Variants in ACTL6B observed in about 807,000 individuals in gnomAD.
ACTL6B encodes the protein actin-like protein 6B.
ACTL6B carries 48 observed loss-of-function variants against 63.3 expected under a neutral mutation model. That is an observed-to-expected ratio of 0.76 (90% confidence interval 0.60 to 0.96). The LOEUF is 0.96. Ranked by LOEUF, ACTL6B falls within the 50% of genes least tolerant of loss-of-function variation. ACTL6B has a pLI of 0.00. For synonymous variants in ACTL6B, 230 were observed against 223.8 expected (o/e 1.03, Z -0.25); for missense variants, 350 against 572.2 (o/e 0.61, Z 3.96).
chr7:100,647,305 G>T lies in ACTL6B; in HGVS notation c.760-21C>A, dbSNP rs369078607. 7.1e-5 allele frequency: 114 copies of T among 1,612,694 alleles called. No individual in the cohort carries two copies. The highest frequency in any genetic ancestry group is 8.9e-5 in the Non-Finnish European group (105 of 1,179,766). ...ACCTCCTGAAATCCCAGCGGAGGTGGTGAGGGCCTGCCTTCCCCGTGAGCA... is the reference window on the plus strand; with the variant it reads ...ACCTCCTGAAATCCCAGCGGAGGTGTTGAGGGCCTGCCTTCCCCGTGAGCA... On this transcript the variant is annotated intron_variant, in intron 8 of 13. Coordinates refer to ENST00000160382, the MANE Select transcript of ACTL6B (RefSeq NM_016188.5). The surrounding 1 kb of genome is among the most constrained non-coding windows in gnomAD (Gnocchi z 4.4).
rs1562848556 is a variant in ACTL6B, at chr7:100,647,463, C to T, written c.740G>A (p.Trp247Ter). 3 of 1,612,550 alleles carry T rather than the reference C, an allele frequency of 1.9e-6. No homozygotes were observed. Among genetic ancestry groups the T allele is most frequent in the African/African-American group, 1.3e-5 (1 of 74,906 alleles). ...KEKLPQVSKS[W>*]HNYMCNEVIQ... ...GCTCACATTACACATGTAGTTATGCCAGGACTTGGAGACCTGGGGTAGCTT... is the reference window on the plus strand; with the variant it reads ...GCTCACATTACACATGTAGTTATGCTAGGACTTGGAGACCTGGGGTAGCTT... Residue 247 changes from tryptophan (W) to a stop codon, truncating the protein, a stop_gained, in exon 8 of 14, where the codon TGG becomes TAG. Coordinates refer to ENST00000160382, the MANE Select transcript of ACTL6B (RefSeq NM_016188.5). LOFTEE classifies it high-confidence loss of function. The surrounding 1 kb of genome is among the most constrained non-coding windows in gnomAD (Gnocchi z 4.4).
intron 13 of ACTL6B, 119 bp from the exon 14 acceptor site, chr7:100,643,445 T>G: frequency 4.3e-6 from 4 of 927,336 alleles, no homozygotes; most frequent in Non-Finnish European, 6.8e-6. Flanking sequence ...CACATCCCTC[T>G]GAAGCCCCTC....
chr7:100,654,164 G>T (rs924929779), intron 4 of ACTL6B, among the ~76,000 whole-genome samples: 1 of 151,612 alleles, frequency 6.6e-6, no homozygotes, highest in Non-Finnish European at 1.5e-5. Flanking sequence ...AGTAGAGATG[G>T]GGTTTCACCG....
intron 4 of ACTL6B, 97 bp downstream of exon 4, chr7:100,654,922 C>A: frequency 1.9e-6 from 2 of 1,040,832 alleles, no homozygotes; most frequent in Non-Finnish European, 2.9e-6. Context: ...GGAAGTGGCT[C>A]AGAGCAGTGG....
chr7:100,643,623 C>T (rs1803764140), intron 13 of ACTL6B, among the ~76,000 whole-genome samples: 1 of 152,174 alleles, frequency 6.6e-6, no homozygotes, highest in South Asian at 2.1e-4. Context: ...CACGCACAGC[C>T]CCAGGCCAGG....
At position 100,647,732 on chromosome 7, in the gene ACTL6B, C is replaced by T. The variant is rs912841084; in HGVS notation, c.670-199G>A. 9.2e-6 allele frequency: 5 copies of T among 544,206 alleles called. No individual in the cohort carries two copies. Among genetic ancestry groups the T allele is most frequent in the East Asian group, 2.9e-5 (1 of 34,430 alleles). The allele number at this position is 544,206 out of a possible 1,614,324, so 33.7% of individuals were successfully genotyped here. A position where few individuals can be genotyped will look rare whatever the true frequency, so the allele number is the denominator to read the frequency against. On this transcript the variant is annotated intron_variant, in intron 7 of 13. Coordinates refer to ENST00000160382, the MANE Select transcript of ACTL6B (RefSeq NM_016188.5). The surrounding 1 kb of genome is among the most constrained non-coding windows in gnomAD (Gnocchi z 4.4). The stretch of plus-strand genomic sequence containing the variant: ...TCTCTCTCCATGTGTGCCTTTCATG[C>T]GGTGGGTGCAGCTGATCTGGAGAAC...
intron 1 of ACTL6B, 49 bp downstream of exon 1, chr7:100,656,281 G>C: frequency 7.3e-7 from 1 of 1,377,150 alleles, no homozygotes; most frequent in South Asian, 1.7e-5. Context: ...TGGATGGCGC[G>C]GGTTTGGAAC....
Position 100,655,673 on chromosome 7 carries a change from GC to G in ACTL6B, c.103-88del. On this transcript the variant is annotated intron_variant, in intron 2 of 13. Transcript: ENST00000160382. The surrounding 1 kb of genome is among the most constrained non-coding windows in gnomAD (Gnocchi z 4.4). ...AGCCCCACAGCAGGGTCCTCAGACCGCCCCTGGGTTTATTCCCATATTCCCG... is the reference window on the plus strand; with the variant it reads ...AGCCCCACAGCAGGGTCCTCAGACCGCCCTGGGTTTATTCCCATATTCCCG... 1 of 1,522,208 alleles carries G rather than the reference GC, an allele frequency of 6.6e-7. No homozygotes were observed. Among genetic ancestry groups the G allele is most frequent in the Non-Finnish European group, 8.8e-7 (1 of 1,131,414 alleles). The allele number at this position is 1,522,208 out of a possible 1,614,324, so 94.3% of individuals were successfully genotyped here.
rs1039117614 is a variant in ACTL6B, at chr7:100,646,036, G to T, written c.1200+213C>A. On this transcript the variant is annotated intron_variant, in intron 13 of 13. Transcript: ENST00000160382. The surrounding 1 kb of genome is among the most constrained non-coding windows in gnomAD (Gnocchi z 6.1). ...TCCCCCCACTTCAGCCACCCAAAGTGCTGGGATGACAGGTGTGGGCCACCA... is the reference window on the plus strand; with the variant it reads ...TCCCCCCACTTCAGCCACCCAAAGTTCTGGGATGACAGGTGTGGGCCACCA... 6.6e-6 allele frequency among the ~76,000 whole-genome samples: 1 copy of T among 152,246 alleles called. No individual in the cohort carries two copies.
intron 4 of ACTL6B, among the ~76,000 whole-genome samples, chr7:100,652,779 G>C: frequency 6.6e-6 from 1 of 150,572 alleles, no homozygotes; most frequent in Non-Finnish European, 1.5e-5. Context: ...AAGGTCGGTG[G>C]ATCACGAGGT....
chr7:100,656,100 C>T (rs766887437), intron 1 of ACTL6B, among the ~76,000 whole-genome samples: 23 of 152,352 alleles, frequency 1.5e-4, no homozygotes, highest in Admixed American at 4.6e-4. Flanking sequence ...GGCACCCTCC[C>T]GACGGGAAAG....
intron 13 of ACTL6B, among the ~76,000 whole-genome samples, chr7:100,644,695 C>T (rs1038353260): frequency 2.6e-5 from 4 of 152,122 alleles, no homozygotes; most frequent in Non-Finnish European, 5.9e-5. Context: ...GATCCTCCCG[C>T]CTTGGCCTCT....
chr7:100,655,599 G>T lies in ACTL6B; in HGVS notation c.103-13C>A. Reference sequence around the variant, plus strand: ...TGGGGAAGTCAGCCTGGTGGGGAAGGGTTGGGGGAGTATTGGCAGGGAGAG... The same window carrying T: ...TGGGGAAGTCAGCCTGGTGGGGAAGTGTTGGGGGAGTATTGGCAGGGAGAG... On this transcript the variant is annotated splice_polypyrimidine_tract_variant and intron_variant, in intron 2 of 13. Transcript: ENST00000160382. This position sits in a 1 kb window ranked among gnomAD's most constrained non-coding sequence, Gnocchi z 4.4. The T allele has an allele frequency of 6.2e-7, 1 of 1,608,210 alleles. No homozygotes were observed. Among genetic ancestry groups the T allele is most frequent in the Non-Finnish European group, 8.5e-7 (1 of 1,177,322 alleles).
chr7:100,643,123 C>A lies in ACTL6B; in HGVS notation c.*123G>T, dbSNP rs1803752235. The stretch of plus-strand genomic sequence containing the variant: ...TTTTTTTCTTAAAACATTTTTACTT[C>A]TTTCAACCCAGAAACATCACCATTA... On this transcript the variant is annotated 3_prime_UTR_variant, in exon 14 of 14. Transcript: ENST00000160382. 1.8e-6 allele frequency: 2 copies of A among 1,113,168 alleles called. No individual in the cohort carries two copies. Among genetic ancestry groups the A allele is most frequent in the Admixed American group, 2.0e-5 (1 of 48,850 alleles). The allele number at this position is 1,113,168 out of a possible 1,614,324, so 69.0% of individuals were successfully genotyped here.
In ACTL6B at chr7:100,646,632, A is replaced by C; in HGVS notation, c.1032T>G (p.Ser344Arg). 1 of 1,613,762 alleles carries C rather than the reference A, an allele frequency of 6.2e-7. No individual in the cohort carries two copies. The highest frequency in any genetic ancestry group is 1.3e-5 in the African/African-American group (1 of 74,902). Reference sequence around the variant, plus strand: ...GTGTGTTCCCGCCGGTGACAATGACACTCCCGTACAGGCCCTGAGAGCAGG... The same window carrying C: ...GTGTGTTCCCGCCGGTGACAATGACCCTCCCGTACAGGCCCTGAGAGCAGG... Reference protein sequence around the residue: ...DIDIRPGLYGSVIVTGGNTLL... With the variant: ...DIDIRPGLYGRVIVTGGNTLL... The change falls in exon 12 of 14, where the codon AGT (serine) becomes AGG (arginine). Residue 344 changes from serine to arginine, a missense_variant. Physicochemically the swap from Ser to Arg is moderately radical, Grantham distance 110. Transcript: ENST00000160382. The surrounding 1 kb of genome is among the most constrained non-coding windows in gnomAD (Gnocchi z 6.1).
chr7:100,655,908 A>G lies in ACTL6B; in HGVS notation c.26-29T>C. On this transcript the variant is annotated intron_variant, in intron 1 of 13. Transcript: ENST00000160382. This position sits in a 1 kb window ranked among gnomAD's most constrained non-coding sequence, Gnocchi z 4.4. ...TGCGGGGAGACAGGCCTGTAAGGGG[A>G]CCTCCCCCGAACTCTCTCCCGCTAG... 6.5e-7 allele frequency: 1 copy of G among 1,548,038 alleles called. No homozygotes were observed. Among genetic ancestry groups the G allele is most frequent in the Non-Finnish European group, 8.7e-7 (1 of 1,145,660 alleles).
At position 100,656,411 on chromosome 7, in the gene ACTL6B, G is replaced by T. The variant is rs1017593667; in HGVS notation, c.-57C>A. Reference sequence around the variant, plus strand: ...CGGTGGCGGGATCAGCACCGAGGCGGCCGGACAGCTCCCGGGATCCCTGGC... The same window carrying T: ...CGGTGGCGGGATCAGCACCGAGGCGTCCGGACAGCTCCCGGGATCCCTGGC... On this transcript the variant is annotated 5_prime_UTR_variant, in exon 1 of 14. Coordinates refer to ENST00000160382, the MANE Select transcript of ACTL6B (RefSeq NM_016188.5). 2.0e-5 allele frequency: 25 copies of T among 1,264,632 alleles called. No individual in the cohort carries two copies. Among genetic ancestry groups the T allele is most frequent in the Non-Finnish European group, 2.5e-5 (25 of 1,002,410 alleles). 78.3% of individuals were successfully genotyped at this position (1,264,632 alleles called of 1,614,324 possible).
intron 5 of ACTL6B, chr7:100,649,830 G>A: frequency 3.8e-6 from 2 of 520,614 alleles, no homozygotes; most frequent in Non-Finnish European, 7.0e-6. Context: ...CCGGGGAACC[G>A]AAAGGGGCCG....
At chr7:100,652,072 A>G (rs1309672358) in intron 4 of ACTL6B, among the ~76,000 whole-genome samples, 1 of 151,878 alleles carries the variant, frequency 6.6e-6, no homozygotes, top group African/African-American at 2.4e-5. Flanking sequence ...GGACCAGGTC[A>G]GTGGGCTCCT....
Sources: gnomAD v4.1 joint callset for allele counts (sites outside exome capture counted in the v4.1 genomes callset) on GRCh38, gnomAD v4.1.1 for gene constraint, Gnocchi (gnomAD v3.1) non-coding constraint, MANE v1.5 for transcripts, NCBI Gene and HGNC (gene_info 2026-07-23, HGNC 2026-07-21) for gene names.